The following TMEM132D variants were observed in gnomAD, a reference collection of about 807,000 sequenced individuals.
The protein encoded by TMEM132D is transmembrane protein 132D.
In TMEM132D, 21 loss-of-function variants were observed where a neutral mutation model predicts 62.3. That is an observed-to-expected ratio of 0.34 (90% CI 0.24 to 0.49). The LOEUF is 0.49. Ranked by LOEUF, TMEM132D falls within the 20% of genes least tolerant of loss-of-function variation. The pLI is 0.99. For synonymous variants in TMEM132D, 621 were observed against 575.6 expected (o/e 1.08, Z -1.13); for missense variants, 1,346 against 1,402.8 (o/e 0.96, Z 0.65).
chr12:129,253,203 A>G (rs1292743012), intron 4 of TMEM132D, among the ~76,000 whole-genome samples: 1 of 151,078 alleles, frequency 6.6e-6, no homozygotes, highest in African/African-American at 2.4e-5. Context: ...ATAATAATAA[A>G]ATAAAATAAA....
intron 2 of TMEM132D, among the ~76,000 whole-genome samples, chr12:129,622,367 CG>C (rs558107561): frequency 1.1e-3 from 175 of 152,230 alleles, no homozygotes; most frequent in Non-Finnish European, 1.9e-3. Context: ...GGGGCTCTTA[CG>C]CCTTGGCAAG....
At chr12:129,732,553 C>T (rs1369692422) in intron 1 of TMEM132D, among the ~76,000 whole-genome samples, 1 of 152,078 alleles carries the variant, frequency 6.6e-6, no homozygotes, top group Non-Finnish European at 1.5e-5. Context: ...TGTGGCACCT[C>T]CCTCCACCTT....
rs1242399777 is a variant in TMEM132D, at chr12:129,860,407, C to A, written c.79+42854G>T. On this transcript the variant is annotated intron_variant, in intron 1 of 8. Transcript: ENST00000422113. ...GAGTAGATTGATACATTACAAATGA[C>A]TTTTGTCCAGTAGAGATGGGAATAA... is the stretch of plus-strand genomic sequence containing the variant. Among the ~76,000 whole-genome samples, 9 of 152,306 alleles carry A rather than the reference C, an allele frequency of 5.9e-5. No homozygotes were observed. In the South Asian group the frequency reaches 1.7e-3, roughly 28 times the overall value.
intron 5 of TMEM132D, among the ~76,000 whole-genome samples, chr12:129,144,650 T>A (rs1876836964): frequency 2.0e-5 from 3 of 151,894 alleles, no homozygotes; most frequent in Middle Eastern, 6.8e-3. Flanking sequence ...TGCCAAATCA[T>A]CCCTCTCTCT....
chr12:129,883,288 C>T (rs924628349), intron 1 of TMEM132D, among the ~76,000 whole-genome samples: 2 of 152,054 alleles, frequency 1.3e-5, no homozygotes, highest in African/African-American at 2.4e-5. Context: ...CCAAAGCACC[C>T]AAAAATCTGG....
At chr12:129,514,737 G>C (rs1875623109) in intron 3 of TMEM132D, among the ~76,000 whole-genome samples, 1 of 152,150 alleles carries the variant, frequency 6.6e-6, no homozygotes, top group Non-Finnish European at 1.5e-5. Context: ...AATGATCATT[G>C]ATGTTTAAGA....
At chr12:129,382,309 G>A (rs747805227) in intron 3 of TMEM132D, among the ~76,000 whole-genome samples, 6 of 151,950 alleles carry the variant, frequency 3.9e-5, no homozygotes, top group East Asian at 1.9e-4. Flanking sequence ...ATTCCTTCCC[G>A]TCCATTAAGT....
intron 2 of TMEM132D, among the ~76,000 whole-genome samples, chr12:129,615,568 T>C (rs530343478): frequency 7.2e-6 from 1 of 138,432 alleles, no homozygotes; most frequent in African/African-American, 2.7e-5. Context: ...ATGGGCAATA[T>C]AGTGAGACCC....
chr12:129,281,773 G>A (rs1368954996), intron 4 of TMEM132D, among the ~76,000 whole-genome samples: 2 of 152,114 alleles, frequency 1.3e-5, no homozygotes, highest in Non-Finnish European at 2.9e-5. Flanking sequence ...GCCAAGACCT[G>A]CCTTTGGCCA....
chr12:129,408,672 G>A (rs931778204), intron 3 of TMEM132D, among the ~76,000 whole-genome samples: 3 of 151,626 alleles, frequency 2.0e-5, no homozygotes, highest in East Asian at 1.9e-4. Flanking sequence ...TCTGGGTCAC[G>A]AACCTATTTG....
At chr12:129,690,552 T>C (rs918707073) in intron 2 of TMEM132D, among the ~76,000 whole-genome samples, 7 of 152,070 alleles carry the variant, frequency 4.6e-5, no homozygotes, top group African/African-American at 1.7e-4. Context: ...TTACATAAAT[T>C]CCAGACAAAG....
chr12:129,880,989 A>T (rs2137385569), intron 1 of TMEM132D, among the ~76,000 whole-genome samples: 1 of 152,284 alleles, frequency 6.6e-6, no homozygotes, highest in African/African-American at 2.4e-5. Context: ...ACACATTATG[A>T]ACACAAAGAC....
chr12:129,356,279 C>T (rs1185729824), intron 3 of TMEM132D, among the ~76,000 whole-genome samples: 6 of 68,386 alleles, frequency 8.8e-5, no homozygotes, highest in Non-Finnish European at 1.5e-4. Flanking sequence ...GCCTCAGCCT[C>T]CCAAGTAGCT....
chr12:129,354,502 T>C (rs1263738269), intron 3 of TMEM132D, among the ~76,000 whole-genome samples: 3 of 152,048 alleles, frequency 2.0e-5, no homozygotes, highest in Non-Finnish European at 4.4e-5. Flanking sequence ...TTTTGTATTT[T>C]TAGTAGAGAC....
Position 129,167,887 on chromosome 12 carries a change from A to G in TMEM132D, c.1443+41633T>C, listed in dbSNP as rs186288140. Among the ~76,000 whole-genome samples the G allele has an allele frequency of 1.6e-3, 248 of 152,290 alleles. 2 individuals carry two copies. Among genetic ancestry groups the G allele is most frequent in the Middle Eastern group, 0.01 (3 of 294 alleles). On this transcript the variant is annotated intron_variant, in intron 5 of 8. Transcript: ENST00000422113. ...ATTCGGAATCCTAAAGGAGGGCTGC[A>G]CTGAGCATAAGGACTGGTTCACTGT...
chr12:129,353,602 G>A (rs1210467459), intron 3 of TMEM132D, among the ~76,000 whole-genome samples: 1 of 152,118 alleles, frequency 6.6e-6, no homozygotes, highest in African/African-American at 2.4e-5. Flanking sequence ...GGTTTTGCTT[G>A]GAGGACAAAG....
rs200249777 is a variant in TMEM132D at position 129,343,752 on chromosome 12, CA to C, written c.1116-5936del. ...CATGGTGAAGCCTCATCTCTTAAAA[CA>C]AAAAAAACAAAAAAAAACAAAAAAA... On this transcript the variant is annotated intron_variant, in intron 3 of 8. Transcript: ENST00000422113. Among the ~76,000 whole-genome samples the C allele has an allele frequency of 5.2e-3, 472 of 89,970 alleles. 3 individuals carry two copies. The highest frequency in any genetic ancestry group is 0.019 in the African/African-American group (445 of 23,340). 59.0% of individuals were successfully genotyped at this position (89,970 alleles called of 152,430 possible).
intron 1 of TMEM132D, among the ~76,000 whole-genome samples, chr12:129,902,299 G>C (rs958077368): frequency 2.0e-4 from 31 of 152,126 alleles, no homozygotes; most frequent in Non-Finnish European, 4.0e-4. Flanking sequence ...GAAAAATATG[G>C]GTACAGGGTT....
chr12:129,894,845 C>G (rs544752507), intron 1 of TMEM132D, among the ~76,000 whole-genome samples: 1 of 152,154 alleles, frequency 6.6e-6, no homozygotes, highest in Non-Finnish European at 1.5e-5. Flanking sequence ...TCTCAAACTC[C>G]TCTCTCGTAC....
Sources: allele counts gnomAD v4.1 joint callset (sites outside exome capture counted in the v4.1 genomes callset), GRCh38; gene constraint gnomAD v4.1.1; transcripts MANE v1.5; gene names NCBI Gene and HGNC (gene_info 2026-07-23, HGNC 2026-07-21).